The following S100Z variants were observed in gnomAD, a reference collection of about 807,000 sequenced individuals.
S100Z encodes S100 calcium binding protein Z.
S100Z carries 11 observed loss-of-function variants against 8.5 expected under a neutral mutation model. The ratio of observed to expected loss-of-function variants is 1.30; its 90% CI spans 0.82 to 2.15. S100Z has a LOEUF of 2.15. Ranked by LOEUF, S100Z falls within the 30% of genes most tolerant of loss-of-function variation. The probability of loss-of-function intolerance (pLI) is 0.00; values close to 1 mark genes in which losing one functional copy is unlikely to be tolerated. For missense variants in S100Z, 126 were observed against 117.9 expected, an observed-to-expected ratio of 1.07 and a Z score of -0.32; for synonymous variants, 34 against 43.8, an observed-to-expected ratio of 0.78 and a Z score of 0.89.
chr5:76,871,681 C>A (rs1412418498), intron 2 of S100Z, among the ~76,000 whole-genome samples: 1 of 152,122 alleles, frequency 6.6e-6, no homozygotes, highest in Non-Finnish European at 1.5e-5. Context: ...CACCACCACA[C>A]CCGGCTAATT....
chr5:76,856,576 T>C (rs1352002282), intron 1 of S100Z, among the ~76,000 whole-genome samples: 2 of 152,240 alleles, frequency 1.3e-5, no homozygotes, highest in East Asian at 3.9e-4. Context: ...ATACGCTTGC[T>C]GACAAAAGTA....
chr5:76,859,534 A>G (rs1157070882), intron 1 of S100Z, among the ~76,000 whole-genome samples: 4 of 152,048 alleles, frequency 2.6e-5, no homozygotes, highest in Non-Finnish European at 5.9e-5. Context: ...TAATCCCAGC[A>G]CTTTGGGAGG....
intron 4 of S100Z, among the ~76,000 whole-genome samples, chr5:76,901,768 A>G (rs1580051561): frequency 6.6e-6 from 1 of 152,138 alleles, no homozygotes; most frequent in Non-Finnish European, 1.5e-5. Flanking sequence ...TGCTTTTCTC[A>G]GGCAGAAGGA....
chr5:76,878,045 A>C, intron 4 of S100Z: 1 of 334,730 alleles, frequency 3.0e-6, no homozygotes. Context: ...CCCTACTTGA[A>C]ACTTGCCTGT....
intron 1 of S100Z, among the ~76,000 whole-genome samples, chr5:76,856,997 C>G (rs532426568): frequency 6.6e-6 from 1 of 152,226 alleles, no homozygotes; most frequent in Non-Finnish European, 1.5e-5. Flanking sequence ...GGAAATCCAG[C>G]ATAGTGAAAG....
intron 1 of S100Z, among the ~76,000 whole-genome samples, chr5:76,867,086 A>G (rs928910802): frequency 2.0e-5 from 3 of 152,170 alleles, no homozygotes; most frequent in Non-Finnish European, 4.4e-5. Flanking sequence ...TTTCCTTTTA[A>G]AAATAGCTTT....
chr5:76,946,067 A>G, the S100Z span, among the ~76,000 whole-genome samples: 1 of 152,246 alleles, frequency 6.6e-6, no homozygotes, highest in Admixed American at 6.5e-5. Context: ...TTTTGCTGCT[A>G]GTCTAGTCAT....
chr5:76,875,523 C>T (rs752179841), intron 3 of S100Z, 23 bp downstream of exon 3: 2 of 1,588,170 alleles, frequency 1.3e-6, no homozygotes, highest in South Asian at 1.1e-5. Context: ...TTTGTAAATG[C>T]TGTATTCATT....
At chr5:76,880,940 G>A (rs1235281725) in intron 4 of S100Z, among the ~76,000 whole-genome samples, 3 of 152,172 alleles carry the variant, frequency 2.0e-5, no homozygotes, top group Admixed American at 6.5e-5. Context: ...GCCAGCAATT[G>A]TTTGTTAAAG....
At chr5:76,853,969 TC>T (rs1750805505) in intron 1 of S100Z, among the ~76,000 whole-genome samples, 3 of 152,058 alleles carry the variant, frequency 2.0e-5, no homozygotes, top group Admixed American at 2.0e-4. Context: ...GAAAGATCTT[TC>T]TTTCTTCCTC....
intron 4 of S100Z, among the ~76,000 whole-genome samples, chr5:76,884,816 C>G (rs1222255372): frequency 6.6e-6 from 1 of 151,872 alleles, no homozygotes; most frequent in Non-Finnish European, 1.5e-5. Context: ...GAGGAGCAGC[C>G]TGGGGAGAAG....
chr5:76,933,565 G>A, the S100Z span, among the ~76,000 whole-genome samples: 3 of 152,274 alleles, frequency 2.0e-5, no homozygotes, highest in East Asian at 3.9e-4. Context: ...CATCCCCGGA[G>A]CATTTGTTAC....
At chr5:76,876,195 C>T (rs1038430392) in intron 3 of S100Z, among the ~76,000 whole-genome samples, 4 of 152,304 alleles carry the variant, frequency 2.6e-5, no homozygotes, top group Admixed American at 1.3e-4. Context: ...ATGTTATTCT[C>T]TCCAAACCTT....
chr5:76,892,671 G>A (rs988837006), intron 4 of S100Z, among the ~76,000 whole-genome samples: 2 of 152,026 alleles, frequency 1.3e-5, no homozygotes, highest in African/African-American at 4.8e-5. Flanking sequence ...AAAGGCAGGG[G>A]CAGGAGAATA....
At chr5:76,898,182 C>G (rs1467530961) in intron 4 of S100Z, among the ~76,000 whole-genome samples, 1 of 149,500 alleles carries the variant, frequency 6.7e-6, no homozygotes, top group Non-Finnish European at 1.5e-5. Flanking sequence ...TGGAGTTTAG[C>G]TCTTGTTGCC....
chr5:76,911,918 A>G (rs1744676797), intron 4 of S100Z, among the ~76,000 whole-genome samples: 1 of 152,116 alleles, frequency 6.6e-6, no homozygotes. Flanking sequence ...ATACAGAGGG[A>G]TAGCCAGGCC....
At chr5:76,941,383 A>G in the S100Z span, among the ~76,000 whole-genome samples, 6 of 152,066 alleles carry the variant, frequency 3.9e-5, no homozygotes, top group South Asian at 2.1e-4. Flanking sequence ...GTGATAGTGA[A>G]TAAGTCTCAT....
intron 2 of S100Z, among the ~76,000 whole-genome samples, 197 bp from the exon 3 acceptor site, chr5:76,875,107 G>A (rs145772591): frequency 6.6e-6 from 1 of 152,212 alleles, no homozygotes; most frequent in East Asian, 1.9e-4. Context: ...TAGCCAGGAT[G>A]GTCTCGATCT....
intron 4 of S100Z, among the ~76,000 whole-genome samples, chr5:76,915,431 C>A (rs1472182633): frequency 6.6e-6 from 1 of 151,480 alleles, no homozygotes; most frequent in Non-Finnish European, 1.5e-5. Context: ...GTGAAACCCC[C>A]TCTCCACTAA....
Sources: gnomAD v4.1 joint callset for allele counts (sites outside exome capture counted in the v4.1 genomes callset) on GRCh38, gnomAD v4.1.1 for gene constraint, MANE v1.5 for transcripts, NCBI Gene and HGNC (gene_info 2026-07-23, HGNC 2026-07-21) for gene names.